Variants in RPSA2 observed in about 807,000 individuals in gnomAD.
RPSA2 encodes the protein small ribosomal subunit protein uS2B.
chr19:23,820,005 T>G, the RPSA2 span, among the ~76,000 whole-genome samples: 6 of 152,230 alleles, frequency 3.9e-5, no homozygotes, highest in African/African-American at 1.4e-4. Flanking sequence ...TTAACAGTAC[T>G]TTAGTTACTT....
chr19:23,776,838 C>G, the RPSA2 span, among the ~76,000 whole-genome samples: 1 of 152,200 alleles, frequency 6.6e-6, no homozygotes, highest in African/African-American at 2.4e-5. Flanking sequence ...TGGACCCTGC[C>G]CACAGGGGGC....
chr19:23,831,429 T>C, the RPSA2 span, among the ~76,000 whole-genome samples: 477 of 152,282 alleles, frequency 3.1e-3, 3 homozygotes, highest in African/African-American at 0.011. Flanking sequence ...TTTGGGTCTG[T>C]ATATTTTAGT....
the RPSA2 span, among the ~76,000 whole-genome samples, chr19:23,793,143 G>A: frequency 1.3e-5 from 2 of 151,356 alleles, no homozygotes; most frequent in African/African-American, 4.8e-5. Flanking sequence ...AGTACAAAGC[G>A]TTTTTCTGGC....
At chr19:23,758,944 A>T in the RPSA2 span, 5 of 670,662 alleles carry the variant, frequency 7.5e-6, no homozygotes, top group Non-Finnish European at 2.6e-6. Context: ...TGCATGCCTG[A>T]TTGGACAGTT....
the RPSA2 span, among the ~76,000 whole-genome samples, chr19:23,770,391 A>G: frequency 6.6e-6 from 1 of 152,078 alleles, no homozygotes; most frequent in Non-Finnish European, 1.5e-5. Flanking sequence ...ACTTTATGAC[A>G]TGGGAACTGC....
chr19:23,798,872 C>T, the RPSA2 span: 3 of 152,192 alleles, frequency 2.0e-5, no homozygotes, highest in African/African-American at 7.2e-5. Context: ...AGTTAGCTAC[C>T]TTGCAGGTTC....
At chr19:23,854,645 G>C in the RPSA2 span, among the ~76,000 whole-genome samples, 1 of 152,340 alleles carries the variant, frequency 6.6e-6, no homozygotes, top group African/African-American at 2.4e-5. Context: ...GCAAACAGTA[G>C]CAGCAGCATT....
chr19:23,858,083 A>G, the RPSA2 span, among the ~76,000 whole-genome samples: 6 of 146,898 alleles, frequency 4.1e-5, no homozygotes, highest in African/African-American at 1.5e-4. Context: ...AAGACTCTGT[A>G]TAAGTTTCTT....
chr19:23,763,295 C>G, the RPSA2 span, among the ~76,000 whole-genome samples: 1 of 152,212 alleles, frequency 6.6e-6, no homozygotes, highest in African/African-American at 2.4e-5. Context: ...GGGCCCACAG[C>G]CGGGACCCCA....
chr19:23,789,500 C>T, the RPSA2 span, among the ~76,000 whole-genome samples: 2 of 152,146 alleles, frequency 1.3e-5, no homozygotes, highest in African/African-American at 4.8e-5. Flanking sequence ...CTTGCCCCAG[C>T]TTGTAGTTGC....
the RPSA2 span, chr19:23,807,789 C>T: frequency 2.9e-6 from 1 of 340,466 alleles, no homozygotes; most frequent in Non-Finnish European, 5.9e-6. Flanking sequence ...TGCCAATGGC[C>T]ACTTTGTACA....
At chr19:23,808,446 TA>T in the RPSA2 span, among the ~76,000 whole-genome samples, 1 of 151,938 alleles carries the variant, frequency 6.6e-6, no homozygotes, top group Non-Finnish European at 1.5e-5. Flanking sequence ...TTTGTATTTT[TA>T]GTAGAGACAG....
chr19:23,812,173 T>C, the RPSA2 span, among the ~76,000 whole-genome samples: 1 of 152,104 alleles, frequency 6.6e-6, no homozygotes, highest in South Asian at 2.1e-4. Flanking sequence ...TTAATATCAG[T>C]TTATTGTGTT....
At chr19:23,832,075 G>A in the RPSA2 span, 2 of 460,924 alleles carry the variant, frequency 4.3e-6, no homozygotes, top group Non-Finnish European at 4.4e-6. Flanking sequence ...ATGTGGCAAA[G>A]CTTTTAAGCA....
the RPSA2 span, among the ~76,000 whole-genome samples, chr19:23,780,860 A>G: frequency 2.0e-5 from 3 of 152,236 alleles, no homozygotes; most frequent in South Asian, 2.1e-4. Flanking sequence ...CACCCAGTCA[A>G]TAGCAAAGAT....
the RPSA2 span, among the ~76,000 whole-genome samples, chr19:23,773,098 TATA>T: frequency 0.087 from 630 of 7,218 alleles, 3 homozygotes; most frequent in Middle Eastern, 0.75. Context: ...TGTATATATA[TATA>T]TATATTTTTA....
chr19:23,790,911 A>G, the RPSA2 span: 1 of 466,540 alleles, frequency 2.1e-6, no homozygotes, highest in Non-Finnish European at 3.9e-6. Flanking sequence ...CCAGGTTGGC[A>G]TCCGTCCCCT....
chr19:23,800,658 G>T, the RPSA2 span, among the ~76,000 whole-genome samples: 1 of 151,786 alleles, frequency 6.6e-6, no homozygotes, highest in Non-Finnish European at 1.5e-5. Flanking sequence ...TTGTTGCCCA[G>T]GCTGGAGTAC....
the RPSA2 span, among the ~76,000 whole-genome samples, chr19:23,806,047 C>CTTT: frequency 0.39 from 48,684 of 126,022 alleles, 11,524 homozygotes; most frequent in East Asian, 0.73. Flanking sequence ...TTCTTTCTTT[C>CTTT]TTTTTTTTTT....
Sources: gnomAD v4.1 joint callset for allele counts (sites outside exome capture counted in the v4.1 genomes callset) on GRCh38, gnomAD v4.1.1 for gene constraint, MANE v1.5 for transcripts, NCBI Gene and HGNC (gene_info 2026-07-23, HGNC 2026-07-21) for gene names.